The following CHST9 variants were observed in gnomAD, a reference collection of about 807,000 sequenced individuals.
The protein encoded by CHST9 is carbohydrate sulfotransferase 9.
In CHST9, 41 loss-of-function variants were observed where a neutral mutation model predicts 44.4. That is an observed-to-expected ratio of 0.92 (90% CI 0.72 to 1.20). CHST9 has a LOEUF of 1.20. CHST9 is among the 50% of genes most tolerant of loss of function. The probability of loss-of-function intolerance (pLI) is 0.00; values close to 1 mark genes in which losing one functional copy is unlikely to be tolerated. For missense variants in CHST9, 504 were observed against 516.5 expected (o/e 0.98, Z 0.23); for synonymous variants, 171 against 178.4 (o/e 0.96, Z 0.33).
chr18:27,106,077 A>G (rs977132006), intron 2 of CHST9, among the ~76,000 whole-genome samples: 21 of 152,226 alleles, frequency 1.4e-4, no homozygotes, highest in Admixed American at 7.9e-4. Flanking sequence ...TTATATAGTT[A>G]GAAACTTAAA....
At chr18:26,995,699 C>T (rs1036496876) in intron 4 of CHST9, among the ~76,000 whole-genome samples, 4 of 152,160 alleles carry the variant, frequency 2.6e-5, no homozygotes, top group African/African-American at 9.7e-5. Flanking sequence ...TTTCAAAAAT[C>T]AGTTTCAGAA....
At chr18:27,067,100 T>C (rs1156283217) in intron 2 of CHST9, among the ~76,000 whole-genome samples, 1 of 152,172 alleles carries the variant, frequency 6.6e-6, no homozygotes, top group Non-Finnish European at 1.5e-5. Flanking sequence ...TATGGTACCA[T>C]TTATTATTGC....
chr18:27,168,681 G>T (rs979907405), intron 1 of CHST9, among the ~76,000 whole-genome samples: 9 of 152,080 alleles, frequency 5.9e-5, no homozygotes, highest in Admixed American at 5.9e-4. Flanking sequence ...TGTAAGACAA[G>T]GTCTCTGTGG....
At chr18:27,017,491 C>T (rs748275453) in intron 4 of CHST9, among the ~76,000 whole-genome samples, 14 of 152,158 alleles carry the variant, frequency 9.2e-5, no homozygotes, top group Non-Finnish European at 1.6e-4. Context: ...GTGAAAGGGG[C>T]CTTTACAAAG....
chr18:26,918,833 C>T (rs1454761900), intron 5 of CHST9, among the ~76,000 whole-genome samples: 9 of 151,932 alleles, frequency 5.9e-5, no homozygotes, highest in Non-Finnish European at 1.2e-4. Flanking sequence ...ATACCATATG[C>T]CAACGTGTAC....
chr18:27,085,713 C>T (rs1362646883), intron 2 of CHST9, among the ~76,000 whole-genome samples: 2 of 151,954 alleles, frequency 1.3e-5, no homozygotes, highest in African/African-American at 4.8e-5. Flanking sequence ...AATTTGGAAA[C>T]TTCTCAAAAA....
intron 2 of CHST9, among the ~76,000 whole-genome samples, chr18:27,106,061 T>C (rs2058218736): frequency 6.6e-6 from 1 of 152,176 alleles, no homozygotes; most frequent in Admixed American, 6.5e-5. Flanking sequence ...AGAGGAAGAA[T>C]GTAACTTATA....
chr18:27,010,950 C>G (rs938301275), intron 4 of CHST9, among the ~76,000 whole-genome samples: 1 of 152,066 alleles, frequency 6.6e-6, no homozygotes, highest in African/African-American at 2.4e-5. Context: ...CTCTGGTAGG[C>G]AGTGGCTGAG....
At chr18:26,979,057 C>T (rs943860819) in intron 4 of CHST9, among the ~76,000 whole-genome samples, 3 of 151,294 alleles carry the variant, frequency 2.0e-5, no homozygotes, top group African/African-American at 4.9e-5. Context: ...GCAGGTATGT[C>T]GGGGCACAGA....
At chr18:27,071,627 C>G (rs1486999908) in intron 2 of CHST9, among the ~76,000 whole-genome samples, 1 of 152,064 alleles carries the variant, frequency 6.6e-6, no homozygotes, top group African/African-American at 2.4e-5. Context: ...CTTTTTTTCT[C>G]AATTCAAAAA....
intron 4 of CHST9, among the ~76,000 whole-genome samples, chr18:26,957,269 C>A (rs2056338148): frequency 6.6e-6 from 1 of 152,186 alleles, no homozygotes; most frequent in East Asian, 1.9e-4. Flanking sequence ...AATGCTCTCT[C>A]ACCAAGCCTA....
intron 4 of CHST9, among the ~76,000 whole-genome samples, chr18:26,972,502 G>A (rs970346961): frequency 4.5e-4 from 69 of 151,878 alleles, no homozygotes; most frequent in Admixed American, 1.1e-3. Flanking sequence ...AAGCCCTAAA[G>A]GGAGAGAGAG....
At chr18:27,120,690 A>G (rs1377499777) in intron 2 of CHST9, among the ~76,000 whole-genome samples, 2 of 152,230 alleles carry the variant, frequency 1.3e-5, no homozygotes, top group African/African-American at 4.8e-5. Flanking sequence ...TCTGTGACTC[A>G]GTTTCCTCAA....
Position 26,916,970 on chromosome 18 carries a change from A to G in CHST9, c.621T>C (p.Tyr207=). The change falls in exon 6 of 6, where the codon TAT becomes TAC. Residue 207 remains tyrosine, a synonymous_variant. Coordinates refer to ENST00000618847, the MANE Select transcript of CHST9 (RefSeq NM_031422.6). ...SHLFHTVSRI[Y]VEDKHKILYC... The stretch of plus-strand genomic sequence containing the variant: ...ATAAGATTTTGTGTTTATCTTCTAC[A>G]TAGATTCTGGATACTGTATGAAAAA... The G allele has an allele frequency of 1.9e-6, 3 of 1,613,900 alleles. No homozygotes were observed. Among genetic ancestry groups the G allele is most frequent in the South Asian group, 1.1e-5 (1 of 91,060 alleles).
At chr18:27,103,403 C>G (rs1315355428) in intron 2 of CHST9, among the ~76,000 whole-genome samples, 1 of 152,178 alleles carries the variant, frequency 6.6e-6, no homozygotes, top group African/African-American at 2.4e-5. Flanking sequence ...AGCCTCATCC[C>G]TGGCCTCAAG....
chr18:26,970,896 A>C (rs2056534020), intron 4 of CHST9, among the ~76,000 whole-genome samples: 1 of 152,082 alleles, frequency 6.6e-6, no homozygotes, highest in East Asian at 1.9e-4. Flanking sequence ...ATGTTTCAAG[A>C]TCTATTCCTG....
chr18:27,080,081 G>A (rs886768143), intron 2 of CHST9, among the ~76,000 whole-genome samples: 6 of 152,144 alleles, frequency 3.9e-5, no homozygotes, highest in African/African-American at 1.4e-4. Flanking sequence ...TGTATAATTG[G>A]TCCAAGTTCT....
At chr18:27,017,197 G>T (rs141117779) in intron 4 of CHST9, among the ~76,000 whole-genome samples, 3 of 152,094 alleles carry the variant, frequency 2.0e-5, no homozygotes, top group African/African-American at 7.2e-5. Flanking sequence ...AAATTATTGG[G>T]ATATTAAATG....
intron 5 of CHST9, chr18:26,934,785 A>G (rs141050723): frequency 6.6e-6 from 1 of 152,362 alleles, no homozygotes; most frequent in East Asian, 1.9e-4. Flanking sequence ...TCAAGTCTAC[A>G]TCACTTCGGT....
Sources: gnomAD v4.1 joint callset for allele counts (sites outside exome capture counted in the v4.1 genomes callset) on GRCh38, gnomAD v4.1.1 for gene constraint, MANE v1.5 for transcripts, NCBI Gene and HGNC (gene_info 2026-07-23, HGNC 2026-07-21) for gene names.